SCHIP1: variants seen among roughly 807,000 people sequenced by gnomAD.
The protein encoded by SCHIP1 is schwannomin-interacting protein 1.
In SCHIP1, 8 loss-of-function variants were observed where a neutral mutation model predicts 29.7. The ratio of observed to expected loss-of-function variants is 0.27; its 90% CI spans 0.16 to 0.49. The LOEUF (loss-of-function observed/expected upper bound fraction) is 0.49, where lower values mean the gene tolerates loss of function less well. SCHIP1 is among the 20% of genes least tolerant of loss of function. The probability of loss-of-function intolerance (pLI) is 0.99; values close to 1 mark genes in which losing one functional copy is unlikely to be tolerated. For missense variants in SCHIP1, 193 were observed against 294.6 expected (o/e 0.66, Z 2.52); for synonymous variants, 76 against 94.9 (o/e 0.80, Z 1.16).
chr3:159,704,766 T>C, the SCHIP1 span, among the ~76,000 whole-genome samples: 3 of 152,172 alleles, frequency 2.0e-5, 1 homozygote, highest in South Asian at 4.1e-4. Context: ...ACGGCACCAA[T>C]AGAGATATAG....
At chr3:159,828,399 A>ATATATATGTG in the SCHIP1 span, among the ~76,000 whole-genome samples, 3 of 49,656 alleles carry the variant, frequency 6.0e-5, no homozygotes, top group Non-Finnish European at 1.0e-4. Flanking sequence ...ATATATACGT[A>ATATATATGTG]TATATATACG....
chr3:159,781,932 G>A, the SCHIP1 span, among the ~76,000 whole-genome samples: 13 of 152,314 alleles, frequency 8.5e-5, no homozygotes, highest in African/African-American at 3.1e-4. Context: ...ACATTGTGTG[G>A]TAATTAATAA....
At chr3:159,877,719 A>G (rs1171254179) in intron 2 of SCHIP1, among the ~76,000 whole-genome samples, 1 of 152,224 alleles carries the variant, frequency 6.6e-6, no homozygotes, top group Non-Finnish European at 1.5e-5. Context: ...AAGGTCTGGA[A>G]GGGGAAAAGT....
At chr3:159,579,695 A>T in the SCHIP1 span, among the ~76,000 whole-genome samples, 1 of 152,158 alleles carries the variant, frequency 6.6e-6, no homozygotes, top group Non-Finnish European at 1.5e-5. Flanking sequence ...GCGGACTTTG[A>T]CCTGCATTTT....
chr3:159,591,307 T>C, the SCHIP1 span, among the ~76,000 whole-genome samples: 1 of 152,202 alleles, frequency 6.6e-6, no homozygotes, highest in African/African-American at 2.4e-5. Context: ...ACTATGTTTT[T>C]ACACTGCTGG....
At chr3:159,380,058 G>A in the SCHIP1 span, among the ~76,000 whole-genome samples, 1 of 152,160 alleles carries the variant, frequency 6.6e-6, no homozygotes, top group Non-Finnish European at 1.5e-5. Flanking sequence ...AACAATGTTA[G>A]AGAAAATACA....
the SCHIP1 span, among the ~76,000 whole-genome samples, chr3:159,423,423 A>G: frequency 6.6e-6 from 1 of 152,366 alleles, no homozygotes; most frequent in East Asian, 1.9e-4. Flanking sequence ...CCTGGCTCAG[A>G]GGGTCCTATG....
At chr3:159,645,331 G>C in the SCHIP1 span, among the ~76,000 whole-genome samples, 2 of 152,070 alleles carry the variant, frequency 1.3e-5, no homozygotes, top group Non-Finnish European at 2.9e-5. Context: ...ACATATCCAA[G>C]CTCCTTGGGG....
At chr3:159,720,528 C>A in the SCHIP1 span, among the ~76,000 whole-genome samples, 3 of 152,026 alleles carry the variant, frequency 2.0e-5, no homozygotes, top group Admixed American at 1.3e-4. Context: ...GACCTTCGTT[C>A]CCCTAGCTTA....
At chr3:159,345,882 G>A in the SCHIP1 span, among the ~76,000 whole-genome samples, 1 of 152,086 alleles carries the variant, frequency 6.6e-6, no homozygotes, top group East Asian at 1.9e-4. Context: ...ACCATTAATA[G>A]TATGGAATGA....
At chr3:159,655,450 G>A in the SCHIP1 span, among the ~76,000 whole-genome samples, 2 of 152,104 alleles carry the variant, frequency 1.3e-5, no homozygotes, top group Non-Finnish European at 2.9e-5. Flanking sequence ...CTAACAAGGG[G>A]CCAGGCACTA....
chr3:159,470,821 A>G, the SCHIP1 span, among the ~76,000 whole-genome samples: 1 of 152,146 alleles, frequency 6.6e-6, no homozygotes, highest in Non-Finnish European at 1.5e-5. Flanking sequence ...GTATTGATAT[A>G]TATATATATA....
chr3:159,275,062 G>C, the SCHIP1 span: 7 of 973,056 alleles, frequency 7.2e-6, no homozygotes, highest in Non-Finnish European at 8.5e-6. Flanking sequence ...CATTTTGACA[G>C]TGTATGAAGT....
the SCHIP1 span, among the ~76,000 whole-genome samples, chr3:159,369,987 C>T: frequency 5.3e-5 from 8 of 152,184 alleles, no homozygotes; most frequent in Non-Finnish European, 1.2e-4. Flanking sequence ...GGCCAGGGAG[C>T]ATGAGTTCTG....
chr3:159,442,874 C>T, the SCHIP1 span, among the ~76,000 whole-genome samples: 1 of 152,194 alleles, frequency 6.6e-6, no homozygotes, highest in East Asian at 1.9e-4. Flanking sequence ...CTTGCTTAGA[C>T]AGTGTTACAT....
the SCHIP1 span, among the ~76,000 whole-genome samples, chr3:159,648,147 C>A: frequency 6.6e-6 from 1 of 152,170 alleles, no homozygotes; most frequent in Non-Finnish European, 1.5e-5. Context: ...CTATCCCAGG[C>A]ACACTCCTCT....
At chr3:159,610,667 T>C in the SCHIP1 span, among the ~76,000 whole-genome samples, 1 of 152,170 alleles carries the variant, frequency 6.6e-6, no homozygotes, top group Non-Finnish European at 1.5e-5. Flanking sequence ...AAACTGGTTA[T>C]ATTGCTCCCT....
the SCHIP1 span, among the ~76,000 whole-genome samples, chr3:159,672,982 A>G: frequency 6.6e-6 from 1 of 152,172 alleles, no homozygotes; most frequent in Admixed American, 6.5e-5. Flanking sequence ...GGAATGAGAG[A>G]GTCTCTGAAC....
chr3:159,857,723 C>A (rs934487758), intron 1 of SCHIP1, among the ~76,000 whole-genome samples: 4 of 152,162 alleles, frequency 2.6e-5, no homozygotes, highest in Non-Finnish European at 5.9e-5. Flanking sequence ...CCACCCCTTC[C>A]TTTTAATATT....
Sources: gnomAD v4.1 joint callset for allele counts (sites outside exome capture counted in the v4.1 genomes callset) on GRCh38, gnomAD v4.1.1 for gene constraint, MANE v1.5 for transcripts, NCBI Gene and HGNC (gene_info 2026-07-23, HGNC 2026-07-21) for gene names.